The following ATM variants were observed in gnomAD, a reference collection of about 807,000 sequenced individuals.
ATM encodes serine-protein kinase ATM.
In ATM, 308 loss-of-function variants were observed where a neutral mutation model predicts 387.0. That is an observed-to-expected ratio of 0.80 (90% confidence interval 0.73 to 0.87). The LOEUF (loss-of-function observed/expected upper bound fraction) is 0.87. Ranked by LOEUF, ATM falls within the 40% of genes least tolerant of loss-of-function variation. The probability of loss-of-function intolerance (pLI) is 0.00; values close to 1 mark genes in which losing one functional copy is unlikely to be tolerated. For synonymous variants in ATM, 1,156 were observed against 1,187.3 expected (o/e 0.97, Z 0.54); for missense variants, 3,312 against 3,560.9 (o/e 0.93, Z 1.78).
intron 35 of ATM, among the ~76,000 whole-genome samples, chr11:108,302,134 A>C (rs2083463354): frequency 6.6e-6 from 1 of 152,130 alleles, no homozygotes; most frequent in South Asian, 2.1e-4. Flanking sequence ...GTGATCCACA[A>C]GTGTTTATTT....
chr11:108,254,506 C>T (rs908934147), intron 13 of ATM, among the ~76,000 whole-genome samples: 6 of 152,090 alleles, frequency 3.9e-5, no homozygotes, highest in African/African-American at 1.2e-4. Flanking sequence ...CTCAAAATCA[C>T]GAGTTCTCTT....
rs548349058 is a variant in ATM at position 108,262,050 on chromosome 11, A to G, written c.2466+2975A>G. 2.1e-4 allele frequency among the ~76,000 whole-genome samples: 31 copies of G among 150,944 alleles called. 1 individual carries two copies. In the South Asian group the frequency reaches 6.4e-3, roughly 31 times the overall value. The stretch of plus-strand genomic sequence containing the variant: ...ACGGGGAGAATGGAACCAAGTTGGA[A>G]AACACTCTGCAGGATATTATCCAGG... On this transcript the variant is annotated intron_variant, in intron 16 of 62. Transcript: ENST00000675843.
chr11:108,324,302 T>C (rs1182942558), intron 45 of ATM, among the ~76,000 whole-genome samples: 1 of 152,170 alleles, frequency 6.6e-6, no homozygotes, highest in East Asian at 1.9e-4. Flanking sequence ...TATCAAGGTG[T>C]CTTGGAACCA....
chr11:108,342,708 C>G (rs1202252881), intron 56 of ATM, among the ~76,000 whole-genome samples: 1 of 152,102 alleles, frequency 6.6e-6, no homozygotes, highest in African/African-American at 2.4e-5. Context: ...AAAAAACTTT[C>G]CTAGTAAAGT....
chr11:108,253,841 A>G lies in ATM; in HGVS notation c.1926A>G (p.Glu642=), dbSNP rs786201469. 1.9e-6 allele frequency: 3 copies of G among 1,613,866 alleles called. No individual in the cohort carries two copies. Among genetic ancestry groups the G allele is most frequent in the Non-Finnish European group, 2.5e-6 (3 of 1,179,896 alleles). Residue 642 remains glutamate (E), a synonymous_variant, in exon 13 of 63, where the codon GAA becomes GAG. Coordinates refer to ENST00000675843, the MANE Select transcript of ATM (RefSeq NM_000051.4). ...ECEHHQKDKE[E]LSFSEVEELF... ...AACACCACCAAAAAGATAAAGAAGA[A>G]CTTTCATTCTCAGAAGTAGAAGAAC...
chr11:108,268,680 T>C, intron 18 of ATM, 71 bp downstream of exon 18: 4 of 1,466,702 alleles, frequency 2.7e-6, no homozygotes, highest in Middle Eastern at 1.7e-4. Flanking sequence ...TGAGTTGACA[T>C]GTAAGAATCA....
intron 29 of ATM, 35 bp downstream of exon 29, chr11:108,289,836 C>T (rs376997709): frequency 6.4e-7 from 1 of 1,573,084 alleles, no homozygotes; most frequent in African/African-American, 1.3e-5. Flanking sequence ...TATAAGCAGT[C>T]TTTCTATCCT....
intron 9 of ATM, 53 bp from the exon 10 acceptor site, chr11:108,250,648 G>C (rs1228101201): frequency 6.5e-7 from 1 of 1,537,478 alleles, no homozygotes; most frequent in African/African-American, 1.4e-5. Flanking sequence ...TTTCCTTTTA[G>C]TTTGTTAATG....
intron 20 of ATM, among the ~76,000 whole-genome samples, chr11:108,272,187 TGAAATCTTCAATATACCAAACAAA>T (rs1402702331): frequency 3.3e-5 from 5 of 152,192 alleles, no homozygotes; most frequent in East Asian, 1.9e-4. Context: ...AATGTGGTTT[TGAAATCTTCAATATACCAAACAAA>T]GAAATCTTCA....
At chr11:108,242,009 C>T (rs748919937) in intron 5 of ATM, among the ~76,000 whole-genome samples, 59 of 151,810 alleles carry the variant, frequency 3.9e-4, no homozygotes, top group Non-Finnish European at 6.6e-4. Context: ...TGTGAACCAC[C>T]GTTCTCAGCT....
chr11:108,321,509 A>G, intron 45 of ATM, 89 bp downstream of exon 45: 3 of 1,577,528 alleles, frequency 1.9e-6, no homozygotes, highest in East Asian at 2.3e-5. Context: ...TAGGCCGGGC[A>G]CGGTGGCTCA....
At chr11:108,257,451 A>T (rs2080570424) in intron 14 of ATM, 30 bp from the exon 15 acceptor site, 1 of 1,608,790 alleles carries the variant, frequency 6.2e-7, no homozygotes, top group African/African-American at 1.3e-5. Context: ...TTTTAACTGG[A>T]ATTTGCATTT....
At chr11:108,331,834 A>AT (rs1433326450) in intron 51 of ATM, 45 bp from the exon 52 acceptor site, 3 of 1,591,304 alleles carry the variant, frequency 1.9e-6, no homozygotes, top group Middle Eastern at 1.7e-4. Context: ...TATGGATTAT[A>AT]TTTTTTTGTT....
chr11:108,340,806 G>C (rs1488195400), intron 56 of ATM, among the ~76,000 whole-genome samples: 1 of 152,104 alleles, frequency 6.6e-6, no homozygotes, highest in African/African-American at 2.4e-5. Flanking sequence ...TATAACCTAT[G>C]AACCTCCTCC....
At chr11:108,255,096 G>A (rs2080390497) in intron 13 of ATM, among the ~76,000 whole-genome samples, 1 of 151,944 alleles carries the variant, frequency 6.6e-6, no homozygotes, top group Non-Finnish European at 1.5e-5. Context: ...ACTCTTAAAA[G>A]GGCATACATG....
At chr11:108,284,530 T>TC in intron 26 of ATM, 57 bp downstream of exon 26, 1 of 1,592,822 alleles carries the variant, frequency 6.3e-7, no homozygotes, top group Non-Finnish European at 8.6e-7. Context: ...GATATAACCT[T>TC]TAAGTTTTAA....
chr11:108,321,158 A>C, intron 44 of ATM, 143 bp from the exon 45 acceptor site: 1 of 1,102,274 alleles, frequency 9.1e-7, no homozygotes, highest in African/African-American at 1.6e-5. Context: ...TTCCACTGCT[A>C]TTTTGTATTC....
intron 40 of ATM, among the ~76,000 whole-genome samples, chr11:108,313,837 T>C (rs2084375991): frequency 6.6e-6 from 1 of 152,230 alleles, no homozygotes; most frequent in Non-Finnish European, 1.5e-5. Flanking sequence ...TTCAATTGCT[T>C]GATCAATTTT....
At position 108,331,487 on chromosome 11, in the gene ATM, T is replaced by G. The variant is rs587782692; in HGVS notation, c.7559T>G (p.Met2520Arg). 7 of 1,613,638 alleles carry G rather than the reference T, an allele frequency of 4.3e-6. No individual in the cohort carries two copies. The highest frequency in any genetic ancestry group is 5.1e-6 in the Non-Finnish European group (6 of 1,179,798). Residue 2520 changes from methionine (M) to arginine (R), a missense_variant, in exon 51 of 63, where the codon ATG becomes AGG. Transcript: ENST00000675843. The part of the protein sequence containing the change: ...KIPTYKFLPL[M>R]YQLAARMGTK... ...CCAACATATAAATTTTTGCCTCTTATGTACCAATTGGCTGCTAGAATGGGG... is the reference window on the plus strand; with the variant it reads ...CCAACATATAAATTTTTGCCTCTTAGGTACCAATTGGCTGCTAGAATGGGG...
Sources: allele counts gnomAD v4.1 joint callset (sites outside exome capture counted in the v4.1 genomes callset), GRCh38; gene constraint gnomAD v4.1.1; transcripts MANE v1.5; gene names NCBI Gene and HGNC (gene_info 2026-07-23, HGNC 2026-07-21).